UGP2: variants seen among roughly 807,000 people sequenced by gnomAD.
The protein encoded by UGP2 is UTP--glucose-1-phosphate uridylyltransferase.
In UGP2, 40 loss-of-function variants were observed where a neutral mutation model predicts 49.0. That is an observed-to-expected ratio of 0.82 (90% CI 0.63 to 1.06). The LOEUF is 1.06. Among genes scored for constraint, UGP2 ranks in the 50% least tolerant of loss-of-function variants. UGP2 has a pLI of 0.00. For missense variants in UGP2, 460 were observed against 603.5 expected, an observed-to-expected ratio of 0.76 and a Z score of 2.49; for synonymous variants, 225 against 213.0, an observed-to-expected ratio of 1.06 and a Z score of -0.49.
chr2:63,857,549 G>C (rs1190146414), intron 2 of UGP2: 1 of 475,068 alleles, frequency 2.1e-6, no homozygotes, highest in Non-Finnish European at 4.2e-6. Flanking sequence ...TTTTTTTGTA[G>C]ACACCGGGTT....
At chr2:63,855,693 C>T (rs1419056711) in intron 1 of UGP2, 3 of 437,388 alleles carry the variant, frequency 6.9e-6, no homozygotes, top group African/African-American at 4.1e-5. Flanking sequence ...AGACAAGCGC[C>T]ACCACACCTG....
intron 3 of UGP2, among the ~76,000 whole-genome samples, chr2:63,876,584 G>GT (rs1373373442): frequency 6.6e-6 from 1 of 152,192 alleles, no homozygotes; most frequent in Non-Finnish European, 1.5e-5. Flanking sequence ...GCTTTTAAGG[G>GT]TTAGATATAG....
At chr2:63,843,731 C>G (rs954151805) in intron 1 of UGP2, among the ~76,000 whole-genome samples, 2 of 152,138 alleles carry the variant, frequency 1.3e-5, no homozygotes, top group African/African-American at 2.4e-5. Context: ...TGGAATACTT[C>G]AGGATTTATA....
chr2:63,842,385 A>G (rs1671620628), intron 1 of UGP2, 181 bp downstream of exon 1: 9 of 1,597,690 alleles, frequency 5.6e-6, no homozygotes, highest in South Asian at 1.1e-5. Context: ...CCAGACGCGT[A>G]TAATTTATGC....
At chr2:63,872,513 C>G (rs1670625526) in intron 3 of UGP2, among the ~76,000 whole-genome samples, 1 of 152,174 alleles carries the variant, frequency 6.6e-6, no homozygotes, top group Non-Finnish European at 1.5e-5. Flanking sequence ...ATGAAAAAGA[C>G]TTAGAGCAGT....
At chr2:63,841,351 C>T (rs1011466240), upstream of UGP2, 5 of 151,348 alleles carry the variant, frequency 3.3e-5, no homozygotes, top group Non-Finnish European at 7.4e-5. Context: ...ATTTGGGCTT[C>T]TGAGGAGCGC....
intron 1 of UGP2, chr2:63,855,894 C>T (rs769053276): frequency 1.1e-4 from 25 of 229,872 alleles, no homozygotes; most frequent in Non-Finnish European, 1.8e-4. Context: ...GAGGGATTTC[C>T]GTCACCTTTA....
At chr2:63,867,288 A>G (rs1015494265) in intron 3 of UGP2, among the ~76,000 whole-genome samples, 7 of 152,158 alleles carry the variant, frequency 4.6e-5, no homozygotes, top group Non-Finnish European at 7.3e-5. Context: ...AATGGCAGTG[A>G]GATAAAAAGG....
At chr2:63,847,496 A>G (rs552278861) in intron 1 of UGP2, among the ~76,000 whole-genome samples, 28 of 152,326 alleles carry the variant, frequency 1.8e-4, no homozygotes, top group Non-Finnish European at 2.9e-4. Context: ...GAGACCACCA[A>G]ATAGGCTTTG....
intron 3 of UGP2, 108 bp from the exon 4 acceptor site, chr2:63,882,358 C>T: frequency 9.3e-7 from 1 of 1,079,956 alleles, no homozygotes. Context: ...AAACTTTCCA[C>T]AGAGAAACCG....
intron 7 of UGP2, among the ~76,000 whole-genome samples, chr2:63,887,120 C>G (rs564886838): frequency 1.3e-5 from 2 of 152,182 alleles, no homozygotes; most frequent in Admixed American, 6.5e-5. Context: ...AAAAAACTAG[C>G]TGGGTAGGTG....
At chr2:63,842,356 G>GAGCT (rs1671616798) in intron 1 of UGP2, 152 bp downstream of exon 1, 1 of 1,602,682 alleles carries the variant, frequency 6.2e-7, no homozygotes. Flanking sequence ...GAGCTGCCTT[G>GAGCT]AGCTGCTGGG....
chr2:63,863,075 G>A (rs1558944258), intron 3 of UGP2: 1 of 269,602 alleles, frequency 3.7e-6, no homozygotes, highest in Non-Finnish European at 7.4e-6. Context: ...TGTTCCACAA[G>A]GTTGACTAAT....
chr2:63,873,182 T>A (rs1283297405), intron 3 of UGP2, among the ~76,000 whole-genome samples: 6 of 152,236 alleles, frequency 3.9e-5, no homozygotes, highest in Non-Finnish European at 8.8e-5. Context: ...AAGCTTGCTT[T>A]TGAGCACATT....
chr2:63,888,015 A>G (rs1046050170), intron 8 of UGP2: 1 of 172,602 alleles, frequency 5.8e-6, no homozygotes, highest in Non-Finnish European at 1.3e-5. Flanking sequence ...TAAACAAAAC[A>G]GACTAAATCT....
intron 3 of UGP2, among the ~76,000 whole-genome samples, chr2:63,872,682 T>G (rs1670636014): frequency 6.6e-6 from 1 of 152,050 alleles, no homozygotes. Context: ...TGATGTAGTT[T>G]ATTGAATCGG....
intron 3 of UGP2, among the ~76,000 whole-genome samples, chr2:63,869,774 C>A (rs905809219): frequency 6.6e-6 from 1 of 152,092 alleles, no homozygotes; most frequent in Non-Finnish European, 1.5e-5. Flanking sequence ...TTCTAACTAG[C>A]TCTTTGAAAA....
intron 1 of UGP2, among the ~76,000 whole-genome samples, chr2:63,853,475 G>C (rs147756158): frequency 1.3e-5 from 2 of 152,020 alleles, no homozygotes; most frequent in African/African-American, 4.8e-5. Context: ...GATTAAGTGC[G>C]CTCTCCAATT....
Position 63,843,886 on chromosome 2 carries a change from TTTTC to T in UGP2, c.19+1689_19+1692del, listed in dbSNP as rs199570825. ...GCCAGCCACTTTTTTTCTTTTTTCT[TTTTC>T]TTTCTTCTTTTTTTGTCAAGGTCTT... is the stretch of plus-strand genomic sequence containing the variant. On this transcript the variant is annotated intron_variant, in intron 1 of 9. Coordinates refer to ENST00000337130, the MANE Select transcript of UGP2 (RefSeq NM_006759.4). 5.8e-3 allele frequency among the ~76,000 whole-genome samples: 888 copies of T among 152,274 alleles called. 13 individuals carry two copies. The highest frequency in any genetic ancestry group is 0.02 in the African/African-American group (828 of 41,538).
Sources: allele counts gnomAD v4.1 joint callset (sites outside exome capture counted in the v4.1 genomes callset), GRCh38; gene constraint gnomAD v4.1.1; transcripts MANE v1.5; gene names NCBI Gene and HGNC (gene_info 2026-07-23, HGNC 2026-07-21).